The following FAM168A variants were observed in gnomAD, a reference collection of about 807,000 sequenced individuals.
The protein encoded by FAM168A is protein FAM168A.
In FAM168A, 3 loss-of-function variants were observed where a neutral mutation model predicts 28.5. The ratio of observed to expected loss-of-function variants is 0.11; its 90% CI spans 0.05 to 0.27. The LOEUF (loss-of-function observed/expected upper bound fraction) is 0.27. FAM168A is among the 10% of genes least tolerant of loss of function. The probability of loss-of-function intolerance (pLI) is 1.00; values close to 1 mark genes in which losing one functional copy is unlikely to be tolerated. For missense variants in FAM168A, 222 were observed against 311.5 expected (o/e 0.71, Z 2.16); for synonymous variants, 122 against 124.2 (o/e 0.98, Z 0.12).
chr11:73,534,015 T>G (rs987472361), intron 1 of FAM168A, among the ~76,000 whole-genome samples: 4 of 152,184 alleles, frequency 2.6e-5, no homozygotes, highest in African/African-American at 9.7e-5. Context: ...CAAAAGCCCA[T>G]ACTCTTCCCA....
In FAM168A at chr11:73,580,988, G is replaced by A. The variant is rs538645320; in HGVS notation, c.-19+16935C>T. On this transcript the variant is annotated intron_variant, in intron 1 of 7. Transcript: ENST00000356467. ...ACTTTCCAGTGATGCCACTGAGATG[G>A]CACCTGTCAAAAGAGCAGTGGTTCC... Among the ~76,000 whole-genome samples, 3 of 152,314 alleles carry A rather than the reference G, an allele frequency of 2.0e-5. 1 individual carries two copies. In the South Asian group the frequency reaches 6.2e-4, roughly 32 times the overall value.
At chr11:73,474,407 G>C (rs991367250) in intron 1 of FAM168A, among the ~76,000 whole-genome samples, 1 of 151,838 alleles carries the variant, frequency 6.6e-6, no homozygotes, top group East Asian at 1.9e-4. Context: ...GCACAGTTAC[G>C]GCACACTACA....
chr11:73,562,915 G>A (rs550763761), intron 1 of FAM168A, among the ~76,000 whole-genome samples: 8 of 152,266 alleles, frequency 5.3e-5, no homozygotes, highest in African/African-American at 1.7e-4. Context: ...AGCATATTTA[G>A]TAAGGCATCA....
chr11:73,527,437 T>C (rs1464468521), intron 1 of FAM168A, among the ~76,000 whole-genome samples: 1 of 152,212 alleles, frequency 6.6e-6, no homozygotes, highest in Non-Finnish European at 1.5e-5. Flanking sequence ...AATCACTTAT[T>C]GAGCACTAGC....
chr11:73,510,754 A>AT (rs1343563088), intron 1 of FAM168A: 2 of 377,308 alleles, frequency 5.3e-6, no homozygotes, highest in African/African-American at 4.2e-5. Flanking sequence ...CTGAGCTATG[A>AT]TATCAATTGG....
At chr11:73,497,207 C>A (rs933409969) in intron 1 of FAM168A, among the ~76,000 whole-genome samples, 2 of 152,120 alleles carry the variant, frequency 1.3e-5, no homozygotes, top group African/African-American at 4.8e-5. Flanking sequence ...TGGCTCATAC[C>A]TGTAATCCCA....
chr11:73,407,710 A>C, intron 6 of FAM168A, 67 bp from the exon 7 acceptor site: 1 of 1,335,520 alleles, frequency 7.5e-7, no homozygotes, highest in Non-Finnish European at 1.1e-6. Flanking sequence ...AAGAGGATGA[A>C]GCTACAGTCT....
At chr11:73,568,055 G>C (rs1438487602) in intron 1 of FAM168A, among the ~76,000 whole-genome samples, 1 of 152,176 alleles carries the variant, frequency 6.6e-6, no homozygotes, top group Non-Finnish European at 1.5e-5. Flanking sequence ...AACTGAGCAA[G>C]ACAAATTTTA....
In FAM168A at chr11:73,406,309, A is replaced by G. The variant is rs1371884079; in HGVS notation, c.*454T>C. On this transcript the variant is annotated 3_prime_UTR_variant, in exon 8 of 8. Transcript: ENST00000356467. ...TCTTGCTTAAGAAAAAACAACCAGA[A>G]CACTCCCCTAGAGATGTAGCCTGCT... 2.6e-5 allele frequency: 4 copies of G among 152,176 alleles called. No individual in the cohort carries two copies. The highest frequency in any genetic ancestry group is 6.5e-5 in the Admixed American group (1 of 15,278). The allele number at this position is 152,176 out of a possible 1,614,324, so 9.4% of individuals were successfully genotyped here.
intron 2 of FAM168A, among the ~76,000 whole-genome samples, chr11:73,434,917 A>G (rs761441402): frequency 1.3e-5 from 2 of 152,236 alleles, no homozygotes; most frequent in African/African-American, 2.4e-5. Context: ...GAACCTTCAC[A>G]TACTTTGCCA....
chr11:73,561,707 CTTTTTTG>C (rs1399224128), intron 1 of FAM168A, among the ~76,000 whole-genome samples: 1 of 152,028 alleles, frequency 6.6e-6, no homozygotes, highest in Non-Finnish European at 1.5e-5. Context: ...GAGTCATTCA[CTTTTTTG>C]TTTTTTAATT....
At chr11:73,596,712 C>A (rs1944442533) in intron 1 of FAM168A, among the ~76,000 whole-genome samples, 1 of 152,028 alleles carries the variant, frequency 6.6e-6, no homozygotes, top group Non-Finnish European at 1.5e-5. Flanking sequence ...TCCTTCACCA[C>A]CAAAATAATC....
At chr11:73,423,175 T>A (rs544914011) in intron 3 of FAM168A, among the ~76,000 whole-genome samples, 1 of 152,338 alleles carries the variant, frequency 6.6e-6, no homozygotes, top group East Asian at 1.9e-4. Context: ...AGTTTCTAGT[T>A]CTGGTTTCTG....
intron 1 of FAM168A, among the ~76,000 whole-genome samples, chr11:73,492,638 C>CAATAA (rs539335487): frequency 1.4e-4 from 22 of 151,798 alleles, no homozygotes; most frequent in East Asian, 3.9e-4. Flanking sequence ...AAACCTGTCT[C>CAATAA]AATAAAATAA....
At chr11:73,430,470 CA>C (rs1183512803) in intron 3 of FAM168A, 16 of 502,358 alleles carry the variant, frequency 3.2e-5, no homozygotes, top group African/African-American at 3.0e-4. Flanking sequence ...ACAGATGAGC[CA>C]ACCTTAAGTC....
intron 1 of FAM168A, among the ~76,000 whole-genome samples, chr11:73,594,303 T>A (rs947247811): frequency 6.6e-6 from 1 of 151,784 alleles, no homozygotes; most frequent in Non-Finnish European, 1.5e-5. Context: ...TCTCCCTATG[T>A]TGCCCTCACT....
chr11:73,511,865 G>A lies in FAM168A; in HGVS notation c.-18-43373C>T, dbSNP rs192474410. 1.2e-3 allele frequency among the ~76,000 whole-genome samples: 177 copies of A among 152,288 alleles called. 1 individual carries two copies. Among genetic ancestry groups the A allele is most frequent in the African/African-American group, 4.1e-3 (169 of 41,564 alleles). ...GAGAAGCACATTTCAGCCACTCTGTGTGTTCCTCTTTCCTTCTTGCTCCCA... is the reference window on the plus strand; with the variant it reads ...GAGAAGCACATTTCAGCCACTCTGTATGTTCCTCTTTCCTTCTTGCTCCCA... On this transcript the variant is annotated intron_variant, in intron 1 of 7. Transcript: ENST00000356467.
At chr11:73,544,743 T>TAC (rs1349021052) in intron 1 of FAM168A, among the ~76,000 whole-genome samples, 10 of 121,956 alleles carry the variant, frequency 8.2e-5, no homozygotes, top group Non-Finnish European at 1.5e-4. Flanking sequence ...TATATATAAT[T>TAC]ATATATTTTA....
intron 1 of FAM168A, among the ~76,000 whole-genome samples, chr11:73,589,667 G>A (rs984047106): frequency 2.0e-5 from 3 of 152,188 alleles, no homozygotes; most frequent in Admixed American, 6.5e-5. Flanking sequence ...GGTGGCTCAC[G>A]CCTGTAATCC....
Sources: gnomAD v4.1 joint callset for allele counts (sites outside exome capture counted in the v4.1 genomes callset) on GRCh38, gnomAD v4.1.1 for gene constraint, MANE v1.5 for transcripts, NCBI Gene and HGNC (gene_info 2026-07-23, HGNC 2026-07-21) for gene names.